Variants in CYB5R4 observed in about 807,000 individuals in gnomAD.
CYB5R4 encodes the protein N-terminal cytochrome b5 and cytochrome b5 oxidoreductase domain-containing protein.
A neutral mutation model predicts 70.2 loss-of-function variants in CYB5R4; 55 were observed. The ratio of observed to expected loss-of-function variants is 0.78; its 90% CI spans 0.63 to 0.98. The LOEUF (loss-of-function observed/expected upper bound fraction) is 0.98, where lower values mean the gene tolerates loss of function less well. Among genes scored for constraint, CYB5R4 ranks in the 50% least tolerant of loss-of-function variants. The probability of loss-of-function intolerance (pLI) is 0.00; values close to 1 mark genes in which losing one functional copy is unlikely to be tolerated. For synonymous variants in CYB5R4, 197 were observed against 199.5 expected (o/e 0.99, Z 0.11); for missense variants, 562 against 612.6 (o/e 0.92, Z 0.87).
intron 2 of CYB5R4, among the ~76,000 whole-genome samples, chr6:83,872,282 T>C (rs61761493): frequency 6.6e-6 from 1 of 152,330 alleles, no homozygotes; most frequent in African/African-American, 2.4e-5. Context: ...TGCTTCCTTT[T>C]TTTAAGTACC....
At chr6:83,924,376 T>C (rs2099466937) in intron 9 of CYB5R4, 94 bp from the exon 10 acceptor site, 1 of 1,295,960 alleles carries the variant, frequency 7.7e-7, no homozygotes, top group Admixed American at 2.2e-5. Flanking sequence ...TCATATTAGA[T>C]CAGGACACTT....
intron 10 of CYB5R4, among the ~76,000 whole-genome samples, chr6:83,934,286 A>G (rs200516004): frequency 1.3e-5 from 2 of 152,100 alleles, no homozygotes; most frequent in East Asian, 1.9e-4. Context: ...TTCATTATCA[A>G]ATAAAATTAG....
intron 2 of CYB5R4, among the ~76,000 whole-genome samples, chr6:83,867,318 G>A (rs1209429677): frequency 6.6e-6 from 1 of 152,170 alleles, no homozygotes; most frequent in African/African-American, 2.4e-5. Context: ...GAGGTGTTCT[G>A]GAGCTTAGGT....
At chr6:83,919,057 T>A (rs1002548846) in intron 6 of CYB5R4, among the ~76,000 whole-genome samples, 1 of 152,120 alleles carries the variant, frequency 6.6e-6, no homozygotes, top group African/African-American at 2.4e-5. Context: ...CATGTGCATT[T>A]TTTCATGCTC....
chr6:83,859,869 G>C lies in CYB5R4; in HGVS notation c.75+12G>C. ...GGGGGCGTAGCAAGGTAAGCGGGTG[G>C]CTCCGTGAGTCTCTCCCCTCGCTGC... On this transcript the variant is annotated intron_variant, in intron 1 of 15. Coordinates refer to ENST00000369681, the MANE Select transcript of CYB5R4 (RefSeq NM_016230.4). The C allele has an allele frequency of 6.2e-7, 1 of 1,607,572 alleles. No homozygotes were observed. Among genetic ancestry groups the C allele is most frequent in the Non-Finnish European group, 8.5e-7 (1 of 1,177,418 alleles).
At chr6:83,953,753 A>G (rs2099471892) in intron 14 of CYB5R4, among the ~76,000 whole-genome samples, 1 of 152,150 alleles carries the variant, frequency 6.6e-6, no homozygotes, top group Admixed American at 6.6e-5. Flanking sequence ...TGAAGGAGGC[A>G]AGTTGCTGAA....
intron 14 of CYB5R4, 58 bp downstream of exon 14, chr6:83,940,659 G>A: frequency 6.6e-7 from 1 of 1,523,230 alleles, no homozygotes; most frequent in African/African-American, 1.5e-5. Context: ...GTAAGTCTAT[G>A]CCTTATCTTC....
chr6:83,907,867 T>G (rs1588572315), intron 3 of CYB5R4, among the ~76,000 whole-genome samples: 1 of 152,194 alleles, frequency 6.6e-6, no homozygotes, highest in South Asian at 2.1e-4. Context: ...TTTTCTTTAT[T>G]CAGTCTGTCA....
intron 2 of CYB5R4, among the ~76,000 whole-genome samples, chr6:83,872,607 A>G (rs2099457805): frequency 1.3e-5 from 2 of 152,170 alleles, no homozygotes; most frequent in South Asian, 4.1e-4. Flanking sequence ...TTCTGAGATC[A>G]CTGTGTTTTA....
At chr6:83,900,140 G>A (rs1283596196) in intron 3 of CYB5R4, among the ~76,000 whole-genome samples, 3 of 152,162 alleles carry the variant, frequency 2.0e-5, no homozygotes, top group Non-Finnish European at 4.4e-5. Context: ...TGCTTTGAAT[G>A]TGTCCCAGAA....
At chr6:83,868,377 C>T (rs1213402373) in intron 2 of CYB5R4, among the ~76,000 whole-genome samples, 2 of 152,072 alleles carry the variant, frequency 1.3e-5, no homozygotes, top group Non-Finnish European at 2.9e-5. Context: ...AGCAGCATTT[C>T]TGCTTCATGT....
intron 2 of CYB5R4, among the ~76,000 whole-genome samples, chr6:83,879,968 A>G (rs2099459203): frequency 6.6e-6 from 1 of 152,074 alleles, no homozygotes; most frequent in Non-Finnish European, 1.5e-5. Flanking sequence ...TGGAATTTAG[A>G]TCATCTGGTT....
At chr6:83,862,406 G>C (rs556640386) in intron 1 of CYB5R4, among the ~76,000 whole-genome samples, 8 of 152,314 alleles carry the variant, frequency 5.3e-5, no homozygotes, top group African/African-American at 1.9e-4. Flanking sequence ...AAAGTCATAA[G>C]TACTACAACA....
chr6:83,862,630 G>A (rs2099456143), intron 1 of CYB5R4, among the ~76,000 whole-genome samples: 1 of 152,224 alleles, frequency 6.6e-6, no homozygotes. Flanking sequence ...AGTCAACTGT[G>A]ACCAGATTGT....
intron 8 of CYB5R4, 102 bp from the exon 9 acceptor site, chr6:83,922,336 G>A: frequency 1.3e-6 from 1 of 769,464 alleles, no homozygotes; most frequent in East Asian, 2.9e-5. Context: ...TGTCTTGAGG[G>A]ATTTGAAATA....
chr6:83,909,149 A>G, intron 4 of CYB5R4, 59 bp downstream of exon 4: 1 of 1,447,406 alleles, frequency 6.9e-7, no homozygotes. Context: ...TTTTTTTTTA[A>G]CTTGGATTTA....
intron 2 of CYB5R4, among the ~76,000 whole-genome samples, chr6:83,864,765 GC>G (rs1012146761): frequency 6.6e-6 from 1 of 152,136 alleles, no homozygotes; most frequent in African/African-American, 2.4e-5. Flanking sequence ...GTTTTCACTT[GC>G]AGCAATTTTC....
chr6:83,934,327 G>A (rs1280575668), intron 10 of CYB5R4, among the ~76,000 whole-genome samples: 4 of 151,400 alleles, frequency 2.6e-5, no homozygotes, highest in Non-Finnish European at 4.4e-5. Flanking sequence ...GGTTTAACAT[G>A]CTATAATAAC....
chr6:83,910,367 G>A (rs1588573266), intron 4 of CYB5R4: 1 of 518,844 alleles, frequency 1.9e-6, no homozygotes, highest in East Asian at 3.4e-5. Flanking sequence ...GAGAGAGGGA[G>A]GCTGGGAGTC....
Sources: gnomAD v4.1 joint callset for allele counts (sites outside exome capture counted in the v4.1 genomes callset) on GRCh38, gnomAD v4.1.1 for gene constraint, MANE v1.5 for transcripts, NCBI Gene and HGNC (gene_info 2026-07-23, HGNC 2026-07-21) for gene names.